Variants in LGALS9C observed in about 807,000 individuals in gnomAD.
LGALS9C encodes galectin-9C.
A neutral mutation model predicts 41.3 loss-of-function variants in LGALS9C; 7 were observed. The ratio of observed to expected loss-of-function variants is 0.17; its 90% CI spans 0.10 to 0.32. The LOEUF is 0.32. Ranked by LOEUF, LGALS9C falls within the 10% of genes least tolerant of loss-of-function variation. LGALS9C has a pLI of 1.00. For synonymous variants in LGALS9C, 44 were observed against 171.0 expected, an observed-to-expected ratio of 0.26 and a Z score of 5.80; for missense variants, 102 against 455.2, an observed-to-expected ratio of 0.22 and a Z score of 7.06.
At chr17:18,490,880 A>AG in intron 6 of LGALS9C, 112 bp downstream of exon 6, 1 of 454,792 alleles carries the variant, frequency 2.2e-6, no homozygotes, top group Non-Finnish European at 4.0e-6. Flanking sequence ...GGGAGGGCAG[A>AG]GGCCAGGCCC....
chr17:18,492,951 G>A (rs1598153788), intron 10 of LGALS9C, 92 bp downstream of exon 10: 7 of 1,392,750 alleles, frequency 5.0e-6, no homozygotes, highest in East Asian at 2.3e-5. Context: ...CAGGATGGGA[G>A]CTGATGCCTC....
intron 1 of LGALS9C, among the ~76,000 whole-genome samples, chr17:18,482,007 A>G (rs1423489597): frequency 6.6e-6 from 1 of 150,558 alleles, no homozygotes; most frequent in African/African-American, 2.4e-5. Context: ...CTGCTCCAAC[A>G]ATGATCAACT....
At position 18,482,623 on chromosome 17, in the gene LGALS9C, G is replaced by T. The variant is rs1358539572; in HGVS notation, c.40-1252G>T. ...GTGCTGAGAAGATGTTGACTTTTTA[G>T]ATGAGGCGTGTGACGTCTACTTTGC... On this transcript the variant is annotated intron_variant, in intron 1 of 10. Transcript: ENST00000328114. Among the ~76,000 whole-genome samples, 273 of 145,660 alleles carry T rather than the reference G, an allele frequency of 1.9e-3. 1 individual carries two copies. The highest frequency in any genetic ancestry group is 6.3e-3 in the African/African-American group (255 of 40,730).
chr17:18,494,526 C>T lies in LGALS9C; in HGVS notation c.*159C>T. On this transcript the variant is annotated 3_prime_UTR_variant, in exon 11 of 11. Transcript: ENST00000328114. ...CTGGTCCTGCTTCTGGCTACAGCCA[C>T]CCTGGAATCGAGAAGGCAGCTGACT... 1.7e-6 allele frequency: 2 copies of T among 1,161,074 alleles called. No homozygotes were observed. The highest frequency in any genetic ancestry group is 2.4e-6 in the Non-Finnish European group (2 of 828,308). The allele number at this position is 1,161,074 out of a possible 1,614,324, so 71.9% of individuals were successfully genotyped here. A position where few individuals can be genotyped will look rare whatever the true frequency, so the allele number is the denominator to read the frequency against.
At chr17:18,484,693 C>G (rs1201698850) in intron 2 of LGALS9C, among the ~76,000 whole-genome samples, 2 of 150,752 alleles carry the variant, frequency 1.3e-5, no homozygotes, top group Admixed American at 1.3e-4. Flanking sequence ...ATGGCTCTCT[C>G]TCGGAAGCCT....
Position 18,487,887 on chromosome 17 carries a change from C to A in LGALS9C, c.444+130C>A, listed in dbSNP as rs1219124165. The A allele has an allele frequency of 1.2e-4, 77 of 658,928 alleles. 3 individuals carry two copies. Among genetic ancestry groups the A allele is most frequent in the Middle Eastern group, 8.5e-4 (2 of 2,348 alleles). The allele number at this position is 658,928 out of a possible 1,614,324, so 40.8% of individuals were successfully genotyped here. On this transcript the variant is annotated intron_variant, in intron 4 of 10. Coordinates refer to ENST00000328114, the MANE Select transcript of LGALS9C (RefSeq NM_001040078.3). ...TCACTCTGGGGACAACCTCTGCTTCCCTGTCCCAGTACCTGCCCGCCCCTT... is the reference window on the plus strand; with the variant it reads ...TCACTCTGGGGACAACCTCTGCTTCACTGTCCCAGTACCTGCCCGCCCCTT...
rs574907138 is a variant in LGALS9C at position 18,492,366 on chromosome 17, C to A, written c.673-91C>A. 59 of 1,474,754 alleles carry A rather than the reference C, an allele frequency of 4.0e-5. 9 individuals are homozygous for A. Among genetic ancestry groups the A allele is most frequent in the Non-Finnish European group, 5.4e-5 (58 of 1,067,608 alleles). The allele number at this position is 1,474,754 out of a possible 1,614,324, so 91.4% of individuals were successfully genotyped here. The stretch of plus-strand genomic sequence containing the variant: ...TCGTGGGCTTCTTCTCAGCTGACAG[C>A]CTAAATTCATGGGAACTGGTACAAT... On this transcript the variant is annotated intron_variant, in intron 8 of 10. Transcript: ENST00000328114.
Position 18,492,744 on chromosome 17 carries a change from A to C in LGALS9C, c.809A>C (p.Asn270Thr). The C allele has an allele frequency of 6.7e-7, 1 of 1,502,806 alleles. No individual in the cohort carries two copies. The allele number at this position is 1,502,806 out of a possible 1,614,324, so 93.1% of individuals were successfully genotyped here. The part of the protein sequence containing the change: ...CSGSHIAFHM[N>T]PRFDENAVVR... ...GGGAGCCACATCGCCTTCCACATGAACCCCCGTTTTGATGAGAATGCTGTG... is the reference window on the plus strand; with the variant it reads ...GGGAGCCACATCGCCTTCCACATGACCCCCCGTTTTGATGAGAATGCTGTG... Residue 270 changes from asparagine (N) to threonine (T), a missense_variant, in exon 10 of 11, where the codon AAC (asparagine) becomes ACC (threonine). Coordinates refer to ENST00000328114, the MANE Select transcript of LGALS9C (RefSeq NM_001040078.3).
chr17:18,479,276 A>C (rs1387523134), intron 1 of LGALS9C, among the ~76,000 whole-genome samples: 1 of 129,432 alleles, frequency 7.7e-6, no homozygotes, highest in Non-Finnish European at 1.9e-5. Context: ...ACAGAGAGTA[A>C]GTTCTGACTC....
intron 9 of LGALS9C, 25 bp from the exon 10 acceptor site, chr17:18,492,672 G>C: frequency 6.7e-7 from 1 of 1,492,050 alleles, no homozygotes; most frequent in South Asian, 1.2e-5. Flanking sequence ...AGTGGACAAA[G>C]GTCCAGGTAG....
Position 18,489,826 on chromosome 17 carries a change from C to G in LGALS9C, c.540+790C>G, listed in dbSNP as rs1345352780. 2 of 110,774 alleles carry G rather than the reference C, an allele frequency of 1.8e-5. 1 individual carries two copies. The highest frequency in any genetic ancestry group is 4.1e-5 in the Non-Finnish European group (2 of 48,420). 6.9% of individuals were successfully genotyped at this position (110,774 alleles called of 1,614,324 possible). A position where few individuals can be genotyped will look rare whatever the true frequency, so the allele number is the denominator to read the frequency against. ...CCATCTCCCTATGCCCATGAGGCCC[C>G]AGAGGGCTGGGACTGTGGGTCGTTC... On this transcript the variant is annotated intron_variant, in intron 5 of 10. Transcript: ENST00000328114.
chr17:18,492,608 C>A, intron 9 of LGALS9C, 63 bp downstream of exon 9: 5 of 1,575,324 alleles, frequency 3.2e-6, no homozygotes, highest in Non-Finnish European at 4.3e-6. Context: ...TCCAGCCATT[C>A]CCCTGGCTTT....
intron 1 of LGALS9C, among the ~76,000 whole-genome samples, chr17:18,481,494 G>T (rs2151662855): frequency 7.9e-6 from 1 of 126,256 alleles, no homozygotes; most frequent in South Asian, 2.4e-4. Flanking sequence ...AACAGGCAAG[G>T]GGAAAAATCT....
intron 3 of LGALS9C, chr17:18,487,023 G>T (rs373743752): frequency 0.029 from 4,451 of 154,222 alleles, 13 homozygotes; most frequent in Middle Eastern, 0.085. Context: ...CTCATACCCT[G>T]GAACTTAAAA....
At chr17:18,494,165 G>C in intron 10 of LGALS9C, 56 bp from the exon 11 acceptor site, 1 of 828,178 alleles carries the variant, frequency 1.2e-6, no homozygotes, top group South Asian at 1.8e-5. Flanking sequence ...AGAGGAGGCT[G>C]CAGTGAGGGT....
intron 2 of LGALS9C, among the ~76,000 whole-genome samples, chr17:18,484,531 G>A (rs1326140099): frequency 6.8e-6 from 1 of 147,998 alleles, no homozygotes; most frequent in Non-Finnish European, 1.5e-5. Context: ...GTGGCTGGGA[G>A]GGCCCCCGAC....
At chr17:18,478,233 G>T (rs142430568) in intron 1 of LGALS9C, among the ~76,000 whole-genome samples, 1,474 of 129,338 alleles carry the variant, frequency 0.011, 111 homozygotes, top group African/African-American at 0.028. Context: ...GTCAGAGAGG[G>T]GATCCCAGAG....
chr17:18,487,414 C>T (rs1358929428), intron 3 of LGALS9C, among the ~76,000 whole-genome samples: 4 of 45,940 alleles, frequency 8.7e-5, no homozygotes, highest in South Asian at 1.4e-3. Flanking sequence ...GGCTGGAAAT[C>T]GAGGAGTGAG....
chr17:18,482,894 T>C (rs2151664293), intron 1 of LGALS9C, among the ~76,000 whole-genome samples: 1 of 124,768 alleles, frequency 8.0e-6, no homozygotes, highest in Admixed American at 7.8e-5. Flanking sequence ...TTGTGAATTT[T>C]GCTCAGAGAG....
Sources: allele counts gnomAD v4.1 joint callset (sites outside exome capture counted in the v4.1 genomes callset), GRCh38; gene constraint gnomAD v4.1.1; transcripts MANE v1.5; gene names NCBI Gene and HGNC (gene_info 2026-07-23, HGNC 2026-07-21).